The following ADGRF5 variants were observed in gnomAD, a reference collection of about 807,000 sequenced individuals.
ADGRF5 encodes G-protein coupled receptor 116.
In ADGRF5, 75 loss-of-function variants were observed where a neutral mutation model predicts 132.3. The observed-to-expected ratio is 0.57, with a 90% CI of 0.47 to 0.69. The LOEUF is 0.69. Ranked by LOEUF, ADGRF5 falls within the 30% of genes least tolerant of loss-of-function variation. The pLI, the probability that ADGRF5 is intolerant of heterozygous loss-of-function variation, is 0.00. For missense variants in ADGRF5, 1,516 were observed against 1,630.6 expected, an observed-to-expected ratio of 0.93 and a Z score of 1.21; for synonymous variants, 629 against 597.6, an observed-to-expected ratio of 1.05 and a Z score of -0.77.
chr6:46,901,050 G>A (rs1774713911), intron 2 of ADGRF5, among the ~76,000 whole-genome samples: 1 of 152,138 alleles, frequency 6.6e-6, no homozygotes, highest in Non-Finnish European at 1.5e-5. Flanking sequence ...AGTAATTTTG[G>A]TTACATGGTA....
At chr6:46,897,143 T>C (rs1201041325) in intron 3 of ADGRF5, among the ~76,000 whole-genome samples, 2 of 123,438 alleles carry the variant, frequency 1.6e-5, no homozygotes, top group African/African-American at 4.7e-5. Context: ...CATGCATATA[T>C]ATACACACAC....
At position 46,866,983 on chromosome 6, in the gene ADGRF5, T is replaced by C; in HGVS notation, c.1776A>G (p.Ile592Met). 1.2e-6 allele frequency: 2 copies of C among 1,613,920 alleles called. No individual in the cohort carries two copies. The highest frequency in any genetic ancestry group is 1.7e-6 in the Non-Finnish European group (2 of 1,179,772). The change falls in exon 13 of 21, where the codon ATA becomes ATG. Residue 592 changes from isoleucine (I) to methionine (M), a missense_variant. Around this residue, in one of 2 missense-constraint regions of ADGRF5, gnomAD observed 945 missense variants for 929.4 expected, o/e 1.02. Transcript: ENST00000283296. ...CSGSHHIKCC[I>M]EEDGDYKVTF... ...TAACTTTGTAGTCTCCATCCTCCTC[T>C]ATGCAGCACTTGATGTGATGGGAAC... is the stretch of plus-strand genomic sequence containing the variant.
chr6:46,943,259 A>G (rs1254448958), intron 1 of ADGRF5, among the ~76,000 whole-genome samples: 1 of 152,176 alleles, frequency 6.6e-6, no homozygotes, highest in African/African-American at 2.4e-5. Flanking sequence ...TTTTGTCAAG[A>G]GCAGCTGAGG....
chr6:46,947,842 C>CA (rs1360711640), intron 1 of ADGRF5, among the ~76,000 whole-genome samples: 2 of 152,214 alleles, frequency 1.3e-5, no homozygotes, highest in African/African-American at 4.8e-5. Flanking sequence ...GGGACCTGGA[C>CA]ATCCACCTGC....
At chr6:46,916,353 C>A (rs1464692539) in intron 1 of ADGRF5, among the ~76,000 whole-genome samples, 2 of 152,208 alleles carry the variant, frequency 1.3e-5, no homozygotes, top group Non-Finnish European at 2.9e-5. Flanking sequence ...TCTCCTAACC[C>A]ATCCCTTCCC....
intron 15 of ADGRF5, among the ~76,000 whole-genome samples, chr6:46,861,454 C>T (rs533585608): frequency 4.6e-5 from 7 of 152,318 alleles, no homozygotes; most frequent in East Asian, 3.9e-4. Context: ...CTTACTTAAT[C>T]GTATAGAATA....
chr6:46,934,562 A>G (rs916522287), intron 1 of ADGRF5, among the ~76,000 whole-genome samples: 1 of 152,206 alleles, frequency 6.6e-6, no homozygotes, highest in Non-Finnish European at 1.5e-5. Context: ...AACAAAAATA[A>G]AAACTCTATA....
At chr6:46,872,716 C>T (rs755667843) in intron 10 of ADGRF5, among the ~76,000 whole-genome samples, 31 of 152,090 alleles carry the variant, frequency 2.0e-4, no homozygotes, top group Non-Finnish European at 4.4e-4. Context: ...CCTATTGCCT[C>T]GGGTTCTACA....
chr6:46,930,485 A>G (rs1436283269), intron 1 of ADGRF5, among the ~76,000 whole-genome samples: 1 of 152,038 alleles, frequency 6.6e-6, no homozygotes, highest in East Asian at 1.9e-4. Flanking sequence ...CACGGATGAC[A>G]GTAGAGATAA....
intron 1 of ADGRF5, among the ~76,000 whole-genome samples, chr6:46,921,061 C>T (rs181278923): frequency 5.5e-4 from 84 of 152,230 alleles, no homozygotes; most frequent in Non-Finnish European, 9.7e-4. Flanking sequence ...TTAAGCAAAC[C>T]GCACATCATA....
chr6:46,906,796 A>T lies in ADGRF5; in HGVS notation c.-24-10T>A. 1 of 1,096,038 alleles carries T rather than the reference A, an allele frequency of 9.1e-7. No homozygotes were observed. Among genetic ancestry groups the T allele is most frequent in the East Asian group, 2.4e-5 (1 of 42,518 alleles). The allele number at this position is 1,096,038 out of a possible 1,614,324, so 67.9% of individuals were successfully genotyped here. A position where few individuals can be genotyped will look rare whatever the true frequency, so the allele number is the denominator to read the frequency against. ...GTTTGAGTTGGTTGGCCTGAAATGG[A>T]AATATGATGGTTTAGATATACAGCA... On this transcript the variant is annotated splice_polypyrimidine_tract_variant and intron_variant, in intron 1 of 20. Coordinates refer to ENST00000283296, the MANE Select transcript of ADGRF5 (RefSeq NM_001098518.2).
At chr6:46,922,578 A>G (rs1411053369), upstream of ADGRF5, among the ~76,000 whole-genome samples, 2 of 152,228 alleles carry the variant, frequency 1.3e-5, no homozygotes, top group Non-Finnish European at 1.5e-5. Flanking sequence ...GATGAATTAT[A>G]GTCAGCTCAT....
At chr6:46,893,101 A>T (rs565884333) in intron 3 of ADGRF5, among the ~76,000 whole-genome samples, 2 of 138,360 alleles carry the variant, frequency 1.4e-5, no homozygotes, top group East Asian at 4.3e-4. Flanking sequence ...TGGTTACAAA[A>T]GACCTTTCTC....
intron 13 of ADGRF5, among the ~76,000 whole-genome samples, chr6:46,865,662 G>A (rs955827692): frequency 1.3e-5 from 2 of 152,178 alleles, no homozygotes; most frequent in African/African-American, 4.8e-5. Flanking sequence ...CTGAATGTAT[G>A]CATATTAAAC....
chr6:46,865,154 G>A lies in ADGRF5; in HGVS notation c.1878C>T (p.Phe626=), dbSNP rs1165513666. Residue 626 remains phenylalanine (F), a synonymous_variant, in exon 14 of 21, where the codon TTC becomes TTT. Coordinates refer to ENST00000283296, the MANE Select transcript of ADGRF5 (RefSeq NM_001098518.2). ...NKKQVCYKHN[F]NASSVSWCSK... Reference sequence around the variant, plus strand: ...AACACCAGGAAACTGAGCTTGCATTGAAATTGTGTTTGTAGCACACTTGTT... The same window carrying A: ...AACACCAGGAAACTGAGCTTGCATTAAAATTGTGTTTGTAGCACACTTGTT... 6.2e-7 allele frequency: 1 copy of A among 1,612,560 alleles called. No individual in the cohort carries two copies. The highest frequency in any genetic ancestry group is 8.5e-7 in the Non-Finnish European group (1 of 1,178,684).
intron 15 of ADGRF5, 33 bp from the exon 16 acceptor site, chr6:46,860,927 T>G (rs769193985): frequency 1.9e-6 from 3 of 1,549,002 alleles, no homozygotes; most frequent in East Asian, 4.5e-5. Context: ...AAAAAAAAAT[T>G]TACCAATCAA....
chr6:46,890,362 A>C (rs1238749293), intron 3 of ADGRF5, among the ~76,000 whole-genome samples: 1 of 151,632 alleles, frequency 6.6e-6, no homozygotes, highest in Non-Finnish European at 1.5e-5. Flanking sequence ...CAAAGTGCTG[A>C]GATTATAGTC....
chr6:46,861,772 G>A (rs1769769220), intron 15 of ADGRF5, among the ~76,000 whole-genome samples: 1 of 152,190 alleles, frequency 6.6e-6, no homozygotes. Flanking sequence ...ATCAAAGGAA[G>A]CATGATAGAG....
intron 10 of ADGRF5, among the ~76,000 whole-genome samples, chr6:46,876,040 A>G (rs772025792): frequency 1.5e-4 from 23 of 152,234 alleles, no homozygotes; most frequent in Non-Finnish European, 2.4e-4. Flanking sequence ...CAGGTCATTC[A>G]TTCAGTTCCA....
Sources: allele counts gnomAD v4.1 joint callset (sites outside exome capture counted in the v4.1 genomes callset), GRCh38; gene constraint gnomAD v4.1.1; regional missense constraint gnomAD v4.1.1; transcripts MANE v1.5; gene names NCBI Gene and HGNC (gene_info 2026-07-23, HGNC 2026-07-21).